Variants in ADGRL2 observed in about 807,000 individuals in gnomAD.
The protein encoded by ADGRL2 is adhesion G protein-coupled receptor L2.
A neutral mutation model predicts 157.4 loss-of-function variants in ADGRL2; 44 were observed. That is an observed-to-expected ratio of 0.28 (90% CI 0.22 to 0.36). The LOEUF is 0.36. Ranked by LOEUF, ADGRL2 falls within the 10% of genes least tolerant of loss-of-function variation. ADGRL2 has a pLI of 1.00. For missense variants in ADGRL2, 1,510 were observed against 1,768.9 expected, an observed-to-expected ratio of 0.85 and a Z score of 2.63; for synonymous variants, 585 against 624.7, an observed-to-expected ratio of 0.94 and a Z score of 0.95.
chr1:81,806,905 T>G (rs1022155884), intron 1 of ADGRL2, among the ~76,000 whole-genome samples: 2 of 152,058 alleles, frequency 1.3e-5, no homozygotes, highest in East Asian at 3.8e-4. Context: ...GTAGCACTTT[T>G]GCCTCTTACT....
chr1:81,912,742 G>T (rs2094761530), intron 3 of ADGRL2, among the ~76,000 whole-genome samples: 1 of 152,066 alleles, frequency 6.6e-6, no homozygotes, highest in Non-Finnish European at 1.5e-5. Context: ...AGAGATACTT[G>T]AATTTTCTTG....
At chr1:81,920,680 G>A (rs868015865) in intron 3 of ADGRL2, among the ~76,000 whole-genome samples, 1 of 151,988 alleles carries the variant, frequency 6.6e-6, no homozygotes, top group African/African-American at 2.4e-5. Context: ...ACTGGAGTTC[G>A]CCTTCTCACT....
intron 1 of ADGRL2, among the ~76,000 whole-genome samples, chr1:81,359,459 T>A (rs377294381): frequency 1.3e-5 from 2 of 152,160 alleles, no homozygotes; most frequent in East Asian, 3.9e-4. Context: ...ACTACCTTTA[T>A]TTGAAATCTG....
chr1:81,946,790 A>G (rs987061290), intron 6 of ADGRL2, among the ~76,000 whole-genome samples: 2 of 152,160 alleles, frequency 1.3e-5, no homozygotes, highest in East Asian at 1.9e-4. Context: ...AACAGGGGCA[A>G]GTTGAATAGG....
intron 11 of ADGRL2, among the ~76,000 whole-genome samples, chr1:81,962,283 ATTT>A (rs1310779996): frequency 1.3e-5 from 2 of 151,962 alleles, no homozygotes; most frequent in African/African-American, 4.8e-5. Flanking sequence ...CTTCATGTTG[ATTT>A]TTTTAACAGA....
intron 1 of ADGRL2, among the ~76,000 whole-genome samples, chr1:81,356,247 C>G (rs1020665282): frequency 6.6e-6 from 1 of 152,192 alleles, no homozygotes; most frequent in Non-Finnish European, 1.5e-5. Context: ...ATTAAAGATG[C>G]TGAAACGCAC....
At chr1:81,944,159 G>C (rs902692262) in intron 6 of ADGRL2, among the ~76,000 whole-genome samples, 8 of 152,010 alleles carry the variant, frequency 5.3e-5, no homozygotes, top group African/African-American at 1.4e-4. Flanking sequence ...GGAAGTCCCA[G>C]GAGAATGGCT....
chr1:81,756,494 G>A (rs1297865199), intron 1 of ADGRL2, among the ~76,000 whole-genome samples: 2 of 152,144 alleles, frequency 1.3e-5, no homozygotes, highest in Non-Finnish European at 2.9e-5. Flanking sequence ...AAGTTTCATA[G>A]ACAAGAGGTA....
At chr1:81,577,685 C>G (rs1347460832) in intron 2 of ADGRL2, among the ~76,000 whole-genome samples, 1 of 152,156 alleles carries the variant, frequency 6.6e-6, no homozygotes, top group Non-Finnish European at 1.5e-5. Flanking sequence ...GCTCATGTAC[C>G]AGTTTCCCAT....
intron 1 of ADGRL2, among the ~76,000 whole-genome samples, chr1:81,325,893 G>A (rs989831972): frequency 2.6e-5 from 4 of 152,138 alleles, no homozygotes; most frequent in Admixed American, 2.6e-4. Context: ...ATGAGAAATG[G>A]TGATGATTTA....
At chr1:81,839,632 T>C (rs138970742) in intron 2 of ADGRL2, among the ~76,000 whole-genome samples, 1 of 151,852 alleles carries the variant, frequency 6.6e-6, no homozygotes, top group African/African-American at 2.4e-5. Context: ...CATGGGATGT[T>C]TGGTTTTCTC....
chr1:81,477,145 T>C (rs2078289186), intron 2 of ADGRL2, among the ~76,000 whole-genome samples: 1 of 152,212 alleles, frequency 6.6e-6, no homozygotes, highest in African/African-American at 2.4e-5. Flanking sequence ...TGCACTGTGC[T>C]ATGGTTTACA....
intron 2 of ADGRL2, among the ~76,000 whole-genome samples, chr1:81,885,653 T>C (rs566944461): frequency 6.6e-6 from 1 of 152,312 alleles, no homozygotes; most frequent in South Asian, 2.1e-4. Context: ...CCAGAATGCA[T>C]GATAAGGCTT....
rs370916970 is a variant in ADGRL2 at position 81,720,179 on chromosome 1, C to CTTTTTTTTT, written c.-143+20375_-143+20376insTTTTTTTTT. On this transcript the variant is annotated intron_variant, in intron 1 of 20. Coordinates refer to the ADGRL2 transcript ENST00000359929. ...TGAAATTAAAAGCATTCCTTTTTTT[C>CTTTTTTTTT]TTTTCTTTTTTTTTTTTTTTTGAGA... 5.5e-4 allele frequency among the ~76,000 whole-genome samples: 77 copies of CTTTTTTTTT among 138,864 alleles called. 5 individuals are homozygous for CTTTTTTTTT. The highest frequency in any genetic ancestry group is 7.1e-4 in the South Asian group (3 of 4,202). 91.1% of individuals were successfully genotyped at this position (138,864 alleles called of 152,430 possible).
intron 3 of ADGRL2, among the ~76,000 whole-genome samples, chr1:81,677,574 C>A (rs1174300700): frequency 2.0e-5 from 3 of 152,192 alleles, no homozygotes; most frequent in South Asian, 2.1e-4. Flanking sequence ...CTGTCTCCCA[C>A]GTGTCCTATT....
chr1:81,341,165 G>A (rs951795184), intron 1 of ADGRL2, among the ~76,000 whole-genome samples: 5 of 151,952 alleles, frequency 3.3e-5, no homozygotes, highest in African/African-American at 1.2e-4. Context: ...TATACAGCCT[G>A]GCTTTAAAAC....
intron 1 of ADGRL2, among the ~76,000 whole-genome samples, chr1:81,719,078 C>G (rs947530355): frequency 2.0e-5 from 3 of 152,182 alleles, no homozygotes; most frequent in African/African-American, 7.2e-5. Flanking sequence ...AGATTAAAAA[C>G]ACTTTTCTCC....
intron 1 of ADGRL2, among the ~76,000 whole-genome samples, chr1:81,718,430 T>G (rs983941913): frequency 6.6e-6 from 1 of 151,906 alleles, no homozygotes; most frequent in African/African-American, 2.4e-5. Context: ...AGCAATAACC[T>G]GTAGAGCTAT....
At chr1:81,644,625 G>A (rs2082279489) in intron 3 of ADGRL2, among the ~76,000 whole-genome samples, 1 of 152,148 alleles carries the variant, frequency 6.6e-6, no homozygotes, top group Non-Finnish European at 1.5e-5. Flanking sequence ...GATGTTCCAT[G>A]TCATATGTCA....
Sources: gnomAD v4.1 joint callset for allele counts (sites outside exome capture counted in the v4.1 genomes callset) on GRCh38, gnomAD v4.1.1 for gene constraint, MANE v1.5 for transcripts, NCBI Gene and HGNC (gene_info 2026-07-23, HGNC 2026-07-21) for gene names.